Variants in PCDHA1 observed in about 807,000 individuals in gnomAD.
The protein encoded by PCDHA1 is protocadherin alpha 1, also known as protocadherin alpha-1.
A neutral mutation model predicts 61.3 loss-of-function variants in PCDHA1; 42 were observed. The ratio of observed to expected loss-of-function variants is 0.69; its 90% CI spans 0.54 to 0.89. The LOEUF is 0.89. Among genes scored for constraint, PCDHA1 ranks in the 40% least tolerant of loss-of-function variants. The pLI is 0.00. For synonymous variants in PCDHA1, 610 were observed against 553.8 expected (o/e 1.10, Z -1.43); for missense variants, 1,256 against 1,235.3 (o/e 1.02, Z -0.25).
At chr5:140,803,126 G>A (rs924510716) in intron 1 of PCDHA1, 16 of 1,613,692 alleles carry the variant, frequency 9.9e-6, no homozygotes, top group Non-Finnish European at 1.3e-5. Context: ...TGGACGCCCC[G>A]CGCCATCGCC....
intron 1 of PCDHA1, among the ~76,000 whole-genome samples, chr5:140,909,546 A>T (rs1322878685): frequency 6.6e-6 from 1 of 152,180 alleles, no homozygotes; most frequent in African/African-American, 2.4e-5. Flanking sequence ...TGATGGTGGC[A>T]CTAATCTCTG....
At chr5:140,800,183 T>C (rs1554121092) in intron 1 of PCDHA1, among the ~76,000 whole-genome samples, 1 of 152,036 alleles carries the variant, frequency 6.6e-6, no homozygotes, top group East Asian at 1.9e-4. Context: ...TGTGGAAAAA[T>C]TAAACCTAAT....
At chr5:140,822,996 G>A in intron 1 of PCDHA1, 1 of 1,614,238 alleles carries the variant, frequency 6.2e-7, no homozygotes, top group Non-Finnish European at 8.5e-7. Context: ...ACTCGTTGGT[G>A]CTGGACAGCG....
chr5:140,946,156 T>G (rs138161459), intron 1 of PCDHA1, among the ~76,000 whole-genome samples: 1 of 151,944 alleles, frequency 6.6e-6, no homozygotes, highest in Non-Finnish European at 1.5e-5. Flanking sequence ...TAACACGATT[T>G]AAAAGATGGG....
At chr5:140,917,776 A>G (rs1222024686) in intron 1 of PCDHA1, among the ~76,000 whole-genome samples, 2 of 152,044 alleles carry the variant, frequency 1.3e-5, no homozygotes, top group Non-Finnish European at 2.9e-5. Flanking sequence ...TATTAGTACC[A>G]TGTTGTTTTG....
intron 1 of PCDHA1, among the ~76,000 whole-genome samples, chr5:140,937,861 G>A (rs1159207693): frequency 6.6e-6 from 1 of 150,994 alleles, no homozygotes; most frequent in African/African-American, 2.4e-5. Context: ...GGAGTGAGCC[G>A]AGATCGCGCC....
intron 1 of PCDHA1, among the ~76,000 whole-genome samples, chr5:140,945,574 G>C (rs2153670366): frequency 6.6e-6 from 1 of 151,978 alleles, no homozygotes; most frequent in Middle Eastern, 3.4e-3. Context: ...ATACTACCTG[G>C]CTTCAAAATA....
chr5:140,788,167 T>C lies in PCDHA1; in HGVS notation c.1877T>C (p.Leu626Pro). 1 of 1,613,994 alleles carries C rather than the reference T, an allele frequency of 6.2e-7. No individual in the cohort carries two copies. The highest frequency in any genetic ancestry group is 8.5e-7 in the Non-Finnish European group (1 of 1,179,906). The change falls in exon 1 of 4, where the codon CTG becomes CCG. Residue 626 changes from leucine (L) to proline (P), a missense_variant. Coordinates refer to ENST00000504120, the MANE Select transcript of PCDHA1 (RefSeq NM_018900.4). ...GCGCGCATCCCGTTCCGCGTGGGGC[T>C]GTACACGGGCGAGATCAGCACGACT... ...GGARIPFRVG[L>P]YTGEISTTRV...
At chr5:140,821,810 G>C in intron 1 of PCDHA1, 2 of 1,613,712 alleles carry the variant, frequency 1.2e-6, no homozygotes, top group Non-Finnish European at 1.7e-6. Flanking sequence ...CTGGGATCCC[G>C]GCTCCTGCTG....
chr5:140,843,529 G>A (rs2150362130), intron 1 of PCDHA1: 1 of 1,596,020 alleles, frequency 6.3e-7, no homozygotes, highest in Middle Eastern at 1.7e-4. Flanking sequence ...GGGCGGGCAA[G>A]CCCACTCTGG....
intron 1 of PCDHA1, chr5:140,870,673 C>T (rs1554164562): frequency 1.9e-6 from 3 of 1,612,666 alleles, no homozygotes; most frequent in Non-Finnish European, 1.7e-6. Context: ...GCCGTTGGAC[C>T]ACGAGGAGCT....
chr5:140,934,515 C>A (rs1163045974), intron 1 of PCDHA1, among the ~76,000 whole-genome samples: 1 of 152,214 alleles, frequency 6.6e-6, no homozygotes, highest in Admixed American at 6.5e-5. Context: ...GGTCCATAGA[C>A]CACACTTCGA....
intron 1 of PCDHA1, chr5:140,851,006 T>G (rs2041921883): frequency 7.0e-7 from 1 of 1,437,372 alleles, no homozygotes; most frequent in Non-Finnish European, 9.2e-7. Flanking sequence ...TCCAGCAGAT[T>G]TTTTTTCTGA....
intron 1 of PCDHA1, chr5:140,928,238 A>T (rs147430561): frequency 1.9e-6 from 3 of 1,614,188 alleles, no homozygotes; most frequent in Non-Finnish European, 2.5e-6. Context: ...CCTCAACCCC[A>T]GCAGGAACTT....
chr5:140,876,637 C>T, intron 1 of PCDHA1: 1 of 1,614,206 alleles, frequency 6.2e-7, no homozygotes, highest in Non-Finnish European at 8.5e-7. Context: ...CATCTGCTCA[C>T]TGACACCTCA....
At chr5:140,855,743 G>A (rs2043601940) in intron 1 of PCDHA1, 1 of 316,702 alleles carries the variant, frequency 3.2e-6, no homozygotes, top group African/African-American at 2.1e-5. Flanking sequence ...GAGACGTAAT[G>A]TGAGGCTTTG....
intron 1 of PCDHA1, among the ~76,000 whole-genome samples, chr5:140,793,658 C>T (rs1290047672): frequency 1.3e-5 from 2 of 152,124 alleles, no homozygotes; most frequent in Non-Finnish European, 2.9e-5. Flanking sequence ...CTATCCCACT[C>T]CTTGATTCAT....
intron 1 of PCDHA1, chr5:140,802,983 G>A: frequency 1.9e-6 from 3 of 1,614,026 alleles, no homozygotes; most frequent in Admixed American, 1.7e-5. Context: ...GAAGGTGCGC[G>A]CAGTGGATGC....
At chr5:140,968,722 T>C (rs1379540261) in intron 1 of PCDHA1, 2 of 1,613,846 alleles carry the variant, frequency 1.2e-6, no homozygotes, top group Admixed American at 1.7e-5. Context: ...GAGATGAGAG[T>C]GGTAGCACTT....
Sources: allele counts gnomAD v4.1 joint callset (sites outside exome capture counted in the v4.1 genomes callset), GRCh38; gene constraint gnomAD v4.1.1; transcripts MANE v1.5; gene names NCBI Gene and HGNC (gene_info 2026-07-23, HGNC 2026-07-21).